Variants in PLEKHG1 observed in about 807,000 individuals in gnomAD.
PLEKHG1 encodes the protein pleckstrin homology domain-containing family G member 1.
PLEKHG1 carries 44 observed loss-of-function variants against 100.8 expected under a neutral mutation model. The ratio of observed to expected loss-of-function variants is 0.44; its 90% confidence interval spans 0.34 to 0.56. The LOEUF (loss-of-function observed/expected upper bound fraction) is 0.56, where lower values mean the gene tolerates loss of function less well. PLEKHG1 is among the 20% of genes least tolerant of loss of function. The pLI, the probability that PLEKHG1 is intolerant of heterozygous loss-of-function variation, is 0.01. For synonymous variants in PLEKHG1, 640 were observed against 662.5 expected, an observed-to-expected ratio of 0.97 and a Z score of 0.52; for missense variants, 1,545 against 1,720.9, an observed-to-expected ratio of 0.90 and a Z score of 1.81.
intron 1 of PLEKHG1, among the ~76,000 whole-genome samples, chr6:150,729,393 G>A (rs1039765987): frequency 1.3e-5 from 2 of 152,218 alleles, no homozygotes; most frequent in African/African-American, 2.4e-5. Flanking sequence ...GTAGCCACAT[G>A]TGGCCACTGG....
rs561243162 is a variant in PLEKHG1 at position 150,691,289 on chromosome 6, A to G, written c.-99+40503A>G. On this transcript the variant is annotated intron_variant, in intron 3 of 3. Coordinates refer to the PLEKHG1 transcript ENST00000367326. ...CATGAAATCCTTTAAGTATTTTTCA[A>G]TCTACTGGTATTTTTATATTTAAGT... 1.1e-4 allele frequency among the ~76,000 whole-genome samples: 16 copies of G among 152,204 alleles called. No individual in the cohort carries two copies. The South Asian group carries it at 2.7e-3, about 26-fold the overall frequency.
chr6:150,672,532 A>T (rs1779617076), intron 3 of PLEKHG1, among the ~76,000 whole-genome samples: 1 of 152,248 alleles, frequency 6.6e-6, no homozygotes, highest in South Asian at 2.1e-4. Flanking sequence ...TGCTCATTCT[A>T]AGTATTAGCC....
At chr6:150,759,382 T>C (rs902016771) in intron 2 of PLEKHG1, among the ~76,000 whole-genome samples, 1 of 152,212 alleles carries the variant, frequency 6.6e-6, no homozygotes, top group East Asian at 1.9e-4. Flanking sequence ...GGTTGGCTCC[T>C]ACCTGACACC....
intron 3 of PLEKHG1, among the ~76,000 whole-genome samples, chr6:150,696,244 A>C (rs1780536835): frequency 6.6e-6 from 1 of 152,136 alleles, no homozygotes. Flanking sequence ...TGGCAGAGGA[A>C]CTCGTCCTTA....
At chr6:150,809,129 T>C in exon 8 of PLEKHG1, 2 of 1,613,996 alleles carry the variant, frequency 1.2e-6, no homozygotes, top group Non-Finnish European at 1.7e-6. Flanking sequence ...GCTCACTAAC[T>C]GGAAGGGGCC....
chr6:150,619,655 T>C (rs1777213281), intron 1 of PLEKHG1, among the ~76,000 whole-genome samples: 1 of 152,222 alleles, frequency 6.6e-6, no homozygotes, highest in African/African-American at 2.4e-5. Flanking sequence ...ATAAGGCAGC[T>C]TTTATGGAGC....
Position 150,828,410 on chromosome 6 carries a change from A to C in PLEKHG1, c.1471-2172A>C, listed in dbSNP as rs145188542. 4.9e-4 allele frequency: 761 copies of C among 1,559,976 alleles called. 3 individuals are homozygous for C. The African/African-American group carries it at 9.0e-3, about 18-fold the overall frequency. On this transcript the variant is annotated intron_variant, in intron 14 of 15. Coordinates refer to ENST00000358517, the Ensembl canonical transcript of PLEKHG1. ...GGCTACAGCTGCTATCCCATGCCGAACTTTCTTGTGACAAATTGTCTGGAT... is the reference window on the plus strand; with the variant it reads ...GGCTACAGCTGCTATCCCATGCCGACCTTTCTTGTGACAAATTGTCTGGAT...
intron 2 of PLEKHG1, among the ~76,000 whole-genome samples, chr6:150,643,961 GA>G (rs1778376831): frequency 6.6e-6 from 1 of 151,314 alleles, no homozygotes; most frequent in South Asian, 2.1e-4. Context: ...AATTAAAATT[GA>G]CTTGAATTTG....
chr6:150,793,624 C>T (rs779103520), intron 4 of PLEKHG1, among the ~76,000 whole-genome samples: 5 of 152,188 alleles, frequency 3.3e-5, no homozygotes, highest in Non-Finnish European at 5.9e-5. Flanking sequence ...AGAAGAGAGA[C>T]AACCAGACTT....
At chr6:150,615,176 A>T (rs1777014765) in intron 1 of PLEKHG1, among the ~76,000 whole-genome samples, 1 of 152,246 alleles carries the variant, frequency 6.6e-6, no homozygotes, top group South Asian at 2.1e-4. Flanking sequence ...TCTGATGCTT[A>T]GAAATGCCTT....
At chr6:150,682,328 A>G (rs1253821443) in intron 3 of PLEKHG1, among the ~76,000 whole-genome samples, 2 of 152,106 alleles carry the variant, frequency 1.3e-5, no homozygotes, top group African/African-American at 2.4e-5. Context: ...GTGGCACAAA[A>G]CACTGTGCTG....
At chr6:150,830,633 G>A (rs768119391) in exon 15 of PLEKHG1, 8 of 1,612,534 alleles carry the variant, frequency 5.0e-6, no homozygotes, top group Non-Finnish European at 5.9e-6. Context: ...GCCGTCTCCT[G>A]CCCAGAGAAA....
upstream of PLEKHG1, among the ~76,000 whole-genome samples, chr6:150,716,671 T>C (rs1202717343): frequency 2.6e-5 from 4 of 152,088 alleles, no homozygotes; most frequent in Non-Finnish European, 4.4e-5. Flanking sequence ...GACAGCCCCA[T>C]TGTGGTCTCA....
chr6:150,776,326 G>A (rs1562508220), intron 3 of PLEKHG1, among the ~76,000 whole-genome samples: 1 of 152,276 alleles, frequency 6.6e-6, no homozygotes, highest in Non-Finnish European at 1.5e-5. Context: ...AACACAATCT[G>A]TGAGTTATTT....
Position 150,607,706 on chromosome 6 carries a change from C to T in PLEKHG1, c.-204+7689C>T, listed in dbSNP as rs542908398. ...AGAGGTTTATTTTTTAAAGGAAAAGCGTTTCCTTACATTATGCCTTTCCCA... is the reference window on the plus strand; with the variant it reads ...AGAGGTTTATTTTTTAAAGGAAAAGTGTTTCCTTACATTATGCCTTTCCCA... On this transcript the variant is annotated intron_variant, in intron 1 of 3. Transcript: ENST00000367326. 3.3e-5 allele frequency among the ~76,000 whole-genome samples: 5 copies of T among 152,236 alleles called. No individual in the cohort carries two copies. In the South Asian group the frequency reaches 8.3e-4, roughly 25 times the overall value.
chr6:150,773,894 A>C (rs961875953), intron 3 of PLEKHG1, among the ~76,000 whole-genome samples: 4 of 152,172 alleles, frequency 2.6e-5, no homozygotes, highest in Non-Finnish European at 5.9e-5. Flanking sequence ...AGATTCATAC[A>C]TGTAACTTTT....
chr6:150,735,388 A>G (rs1001326636), intron 2 of PLEKHG1, among the ~76,000 whole-genome samples: 4 of 152,046 alleles, frequency 2.6e-5, no homozygotes, highest in African/African-American at 9.7e-5. Flanking sequence ...TTAGACATTG[A>G]CTCTAGAGTA....
At position 150,683,799 on chromosome 6, in the gene PLEKHG1, A is replaced by T. The variant is rs1205268922; in HGVS notation, c.-99+33013A>T. On this transcript the variant is annotated intron_variant, in intron 3 of 3. Transcript: ENST00000367326. The surrounding 1 kb of genome is among the most constrained non-coding windows in gnomAD (Gnocchi z 4.0). Reference sequence around the variant, plus strand: ...CTTGGTGGGGCGGAAGAGGCAGGAAACTGCTGCCTGGACAAATCGTGTTCT... The same window carrying T: ...CTTGGTGGGGCGGAAGAGGCAGGAATCTGCTGCCTGGACAAATCGTGTTCT... 1 of 1,288,608 alleles carries T rather than the reference A, an allele frequency of 7.8e-7. No homozygotes were observed. The highest frequency in any genetic ancestry group is 1.0e-6 in the Non-Finnish European group (1 of 988,664). The allele number at this position is 1,288,608 out of a possible 1,614,324, so 79.8% of individuals were successfully genotyped here. A position where few individuals can be genotyped will look rare whatever the true frequency, so the allele number is the denominator to read the frequency against.
Position 150,758,445 on chromosome 6 carries a change from C to T in PLEKHG1, c.412-10193C>T, listed in dbSNP as rs566201259. On this transcript the variant is annotated intron_variant, in intron 2 of 15. Transcript: ENST00000358517. The stretch of plus-strand genomic sequence containing the variant: ...TCTGCCTCCAGGTTCAAGTGATTCT[C>T]CTGCCTCAGCCTCCCGAGTAGCTGG... 1.1e-3 allele frequency among the ~76,000 whole-genome samples: 173 copies of T among 152,138 alleles called. 1 individual carries two copies. Among genetic ancestry groups the T allele is most frequent in the African/African-American group, 4.0e-3 (166 of 41,518 alleles).
Sources: allele counts gnomAD v4.1 joint callset (sites outside exome capture counted in the v4.1 genomes callset), GRCh38; gene constraint gnomAD v4.1.1; non-coding constraint Gnocchi (gnomAD v3.1); transcripts MANE v1.5; gene names NCBI Gene and HGNC (gene_info 2026-07-23, HGNC 2026-07-21).